The following PKD1 variants were observed in gnomAD, a reference collection of about 807,000 sequenced individuals.
PKD1 encodes the protein polycystin-1.
PKD1 carries 81 observed loss-of-function variants against 361.7 expected under a neutral mutation model. That is an observed-to-expected ratio of 0.22 (90% CI 0.19 to 0.27). The LOEUF is 0.27. PKD1 is among the 10% of genes least tolerant of loss of function. PKD1 has a pLI of 1.00. For synonymous variants in PKD1, 3,615 were observed against 2,818.3 expected, an observed-to-expected ratio of 1.28 and a Z score of -8.95; for missense variants, 6,399 against 6,118.3, an observed-to-expected ratio of 1.05 and a Z score of -1.53.
Position 2,091,924 on chromosome 16 carries a change from C to A in PKD1, c.11412-18G>T, listed in dbSNP as rs768468097. On this transcript the variant is annotated intron_variant, in intron 40 of 45. Coordinates refer to ENST00000262304, the MANE Select transcript of PKD1 (RefSeq NM_001009944.3). ...ACCATGCCCTGCCGGAGAGGGGTGG[C>A]GTGGGTGCCGCACCCCAGCCCTTCC... is the stretch of plus-strand genomic sequence containing the variant. The A allele has an allele frequency of 1.2e-6, 2 of 1,611,446 alleles. No individual in the cohort carries two copies. The highest frequency in any genetic ancestry group is 1.7e-6 in the Non-Finnish European group (2 of 1,179,600).
Position 2,100,260 on chromosome 16 carries a change from C to G in PKD1, c.9618G>C (p.Gln3206His). The G allele has an allele frequency of 6.2e-7, 1 of 1,610,786 alleles. No homozygotes were observed. The highest frequency in any genetic ancestry group is 8.5e-7 in the Non-Finnish European group (1 of 1,179,780). ...CCAGGAAGAAGGCGCTGCGTGCCGTCTGCAGGTCCCTGACGATGACGTGCT... is the reference window on the plus strand; with the variant it reads ...CCAGGAAGAAGGCGCTGCGTGCCGTGTGCAGGTCCCTGACGATGACGTGCT... ...FLQHVIVRDLQTARSAFFLVN... is the reference protein window; with the variant it reads ...FLQHVIVRDLHTARSAFFLVN... The change falls in exon 28 of 46, where the codon CAG becomes CAC. Residue 3206 changes from glutamine (Q) to histidine (H), a missense_variant. Physicochemically the swap from Gln to His is conservative, Grantham distance 24. Transcript: ENST00000262304. The surrounding 1 kb of genome is among the most constrained non-coding windows in gnomAD (Gnocchi z 4.4).
chr16:2,090,985 G>C lies in PKD1; in HGVS notation c.11902C>G (p.Arg3968Gly). 2 of 1,536,232 alleles carry C rather than the reference G, an allele frequency of 1.3e-6. No individual in the cohort carries two copies. The highest frequency in any genetic ancestry group is 1.4e-5 in the African/African-American group (1 of 73,168). The part of the protein sequence containing the change: ...AADRQWTRFV[R>G]GRPRRFTSFD... ...CTAGTGAAGCGGCGCGGGCGGCCGC[G>C]CACGAAACGGGTCCACTGGCGGTCA... Residue 3968 changes from arginine (R) to glycine (G), a missense_variant, in exon 43 of 46, where the codon CGC (arginine) becomes GGC (glycine). Transcript: ENST00000262304.
In PKD1 at chr16:2,110,732, G is replaced by C; in HGVS notation, c.4435C>G (p.Leu1479Val). 5 of 1,610,404 alleles carry C rather than the reference G, an allele frequency of 3.1e-6. No individual in the cohort carries two copies. Among genetic ancestry groups the C allele is most frequent in the Non-Finnish European group, 4.2e-6 (5 of 1,179,572 alleles). ...AACAGGTACGGCTGCTGCAGCTCCA[G>C]CCCAAGGGAGCCATTGACCTTGATG... is the stretch of plus-strand genomic sequence containing the variant. ...TSIKVNGSLG[L>V]ELQQPYLFSA... Residue 1479 changes from leucine (L) to valine (V), a missense_variant, in exon 15 of 46, where the codon CTG becomes GTG. Physicochemically the swap from Leu to Val is conservative, Grantham distance 32. Transcript: ENST00000262304.
chr16:2,097,816 C>G lies in PKD1; in HGVS notation c.10168-36G>C, dbSNP rs373592524. 392 of 1,611,138 alleles carry G rather than the reference C, an allele frequency of 2.4e-4. No homozygotes were observed. Among genetic ancestry groups the G allele is most frequent in the Middle Eastern group, 4.5e-4 (2 of 4,474 alleles). ...CACAGTGTCTTGAGTCCAAGCTGCG[C>G]CAAGGCGGCAGGACCCCCAGCCCAG... On this transcript the variant is annotated intron_variant, in intron 31 of 45. Transcript: ENST00000262304.
In PKD1 at chr16:2,113,280, C is replaced by T. The variant is rs748744124; in HGVS notation, c.2866G>A (p.Val956Met). The T allele has an allele frequency of 2.1e-5, 34 of 1,594,062 alleles. No individual in the cohort carries two copies. The highest frequency in any genetic ancestry group is 2.3e-5 in the Non-Finnish European group (27 of 1,178,220). Reference protein sequence around the residue: ...LQGVLVRYSPVVEAGSDMVFR... With the variant: ...LQGVLVRYSPMVEAGSDMVFR... ...ACCATGTCCGAGCCGGCCTCCACCA[C>T]GGGGCTGTACCTCTGCGGGGGGAAT... Residue 956 changes from valine to methionine, a missense_variant, in exon 12 of 46, where the codon GTG becomes ATG. Val to Met is a conservative substitution (Grantham distance 21). Transcript: ENST00000262304.
chr16:2,099,122 G>T (rs1279592914), intron 30 of PKD1: 13 of 259,474 alleles, frequency 5.0e-5, no homozygotes, highest in African/African-American at 2.3e-5. Flanking sequence ...GTGAGCCACC[G>T]CGCCTGGCCC....
chr16:2,091,347 C>T, intron 42 of PKD1, 76 bp downstream of exon 42: 1 of 675,032 alleles, frequency 1.5e-6, no homozygotes, highest in Non-Finnish European at 1.8e-6. Flanking sequence ...GGGTGAGACG[C>T]TGCCGGGGCG....
rs749138783 is a variant in PKD1 at position 2,114,478 on chromosome 16, C to T, written c.2545G>A (p.Val849Met). 15 of 1,596,888 alleles carry T rather than the reference C, an allele frequency of 9.4e-6. No individual in the cohort carries two copies. The highest frequency in any genetic ancestry group is 2.3e-4 in the Middle Eastern group (1 of 4,428). ...PTNGSALVLQ[V>M]DSGANATATA... ...GCCGTGGCGTTGGCACCAGAGTCCA[C>T]CTGGAGCACCAAGGCTGAGCCGTTG... is the stretch of plus-strand genomic sequence containing the variant. The change falls in exon 11 of 46, where the codon GTG (valine) becomes ATG (methionine). Residue 849 changes from valine (V) to methionine (M), a missense_variant. Physicochemically the swap from Val to Met is conservative, Grantham distance 21. Transcript: ENST00000262304.
At chr16:2,092,791 G>A (rs112667845) in intron 38 of PKD1, 163 bp downstream of exon 38, 34 of 910,854 alleles carry the variant, frequency 3.7e-5, no homozygotes, top group Admixed American at 3.0e-4. Context: ...TGCAAGACAC[G>A]GACCTGTGTC....
At chr16:2,128,697 G>A (rs938807657) in intron 1 of PKD1, among the ~76,000 whole-genome samples, 12 of 152,104 alleles carry the variant, frequency 7.9e-5, no homozygotes, top group Non-Finnish European at 1.3e-4. Flanking sequence ...GAGAGGGTGC[G>A]GACTCTTCCT....
chr16:2,133,309 C>T (rs1316652177), intron 1 of PKD1: 1 of 148,362 alleles, frequency 6.7e-6, no homozygotes, highest in Non-Finnish European at 1.5e-5. Flanking sequence ...GCTGTGGCCT[C>T]AGAAGCCCCG....
At position 2,112,479 on chromosome 16, in the gene PKD1, G is replaced by A. The variant is rs775989124; in HGVS notation, c.3162-6C>T. 1.4e-5 allele frequency: 22 copies of A among 1,586,694 alleles called. No homozygotes were observed. The highest frequency in any genetic ancestry group is 6.7e-5 in the African/African-American group (5 of 74,686). The stretch of plus-strand genomic sequence containing the variant: ...CCCCATCCCCAAAGGTCCACCTGCC[G>A]GGGCGGTGGGACGCAGTGAGTGAAC... On this transcript the variant is annotated splice_polypyrimidine_tract_variant and splice_region_variant and intron_variant, in intron 13 of 45. Coordinates refer to ENST00000262304, the MANE Select transcript of PKD1 (RefSeq NM_001009944.3).
chr16:2,094,618 T>G, intron 34 of PKD1: 1 of 273,776 alleles, frequency 3.7e-6, no homozygotes, highest in Non-Finnish European at 7.1e-6. Flanking sequence ...CATGCAGGTT[T>G]ATGGCCTAAA....
Position 2,117,578 on chromosome 16 carries a change from C to A in PKD1, c.1296G>T (p.Ala432=), listed in dbSNP as rs775745394. ...LVVEKAAWLQ[A]QEQCQAWAGA... The stretch of plus-strand genomic sequence containing the variant: ...CGGCCCAGGCCTGACACTGCTCCTG[C>A]GCCTGCAGCCAGGCCGCCTTCTCCA... Residue 432 remains alanine, a synonymous_variant, in exon 6 of 46, where the codon GCG becomes GCT. Transcript: ENST00000262304. 3.7e-6 allele frequency: 6 copies of A among 1,607,794 alleles called. No homozygotes were observed. Among genetic ancestry groups the A allele is most frequent in the Non-Finnish European group, 5.1e-6 (6 of 1,178,340 alleles).
At position 2,092,473 on chromosome 16, in the gene PKD1, A is replaced by C. The variant is rs2091641697; in HGVS notation, c.11269+7T>G. The C allele has an allele frequency of 2.5e-6, 4 of 1,577,432 alleles. No individual in the cohort carries two copies. The highest frequency in any genetic ancestry group is 2.7e-5 in the African/African-American group (2 of 74,244). On this transcript the variant is annotated splice_region_variant and intron_variant, in intron 39 of 45. Transcript: ENST00000262304. ...TTTAAGTCTTGGGGCACGCCCTGCC[A>C]GCTCACCTTCCTGCAGCCGCACCTG...
At chr16:2,117,134 A>G (rs557185428) in intron 6 of PKD1, 81 bp from the exon 7 acceptor site, 21 of 727,958 alleles carry the variant, frequency 2.9e-5, no homozygotes, top group African/African-American at 7.0e-5. Context: ...TGGGAGCCCC[A>G]TCACTGTCCC....
Position 2,092,601 on chromosome 16 carries a change from G to A in PKD1, c.11157-9C>T. The A allele has an allele frequency of 6.3e-7, 1 of 1,586,096 alleles. No individual in the cohort carries two copies. Among genetic ancestry groups the A allele is most frequent in the Non-Finnish European group, 8.6e-7 (1 of 1,157,130 alleles). On this transcript the variant is annotated splice_polypyrimidine_tract_variant and intron_variant, in intron 38 of 45. Coordinates refer to ENST00000262304, the MANE Select transcript of PKD1 (RefSeq NM_001009944.3). The stretch of plus-strand genomic sequence containing the variant: ...GCCAGAGCTCCTCAGACCTGCCACA[G>A]CATCAGTCACACGCTCCAGCCCCTA...
rs2092628701 is a variant in PKD1, at chr16:2,115,999, G to A, written c.1842C>T (p.Ser614=). 3.1e-5 allele frequency: 47 copies of A among 1,501,280 alleles called. No homozygotes were observed. Among genetic ancestry groups the A allele is most frequent in the Non-Finnish European group, 4.2e-5 (47 of 1,112,016 alleles). 93.0% of individuals were successfully genotyped at this position (1,501,280 alleles called of 1,614,324 possible). Residue 614 remains serine (S), a synonymous_variant, in exon 9 of 46, where the codon AGC becomes AGT. Coordinates refer to ENST00000262304, the MANE Select transcript of PKD1 (RefSeq NM_001009944.3). ...QLRLQVYRLL[S]TAGTPENGSE... ...CACCACCCAGAGTCCCACCTGCTGT[G>A]CTGAGGAGCCGGTACACCTGCAGCC...
rs1401316236 is a variant in PKD1, at chr16:2,104,522, C to T, written c.8137G>A (p.Gly2713Arg). The change falls in exon 22 of 46, where the codon GGA becomes AGA. Residue 2713 changes from glycine (G) to arginine (R), a missense_variant. Transcript: ENST00000262304. ...TAGTVTPTAI[G>R]DSILNITGDL... ...CCTGTGATGTTGAGGATGCTGTCTC[C>T]GATGGCGGTGGGCGTCACGGTGCCC... 6.4e-6 allele frequency: 10 copies of T among 1,555,634 alleles called. No homozygotes were observed. The highest frequency in any genetic ancestry group is 1.2e-5 in the South Asian group (1 of 85,646).
Sources: allele counts gnomAD v4.1 joint callset (sites outside exome capture counted in the v4.1 genomes callset), GRCh38; gene constraint gnomAD v4.1.1; non-coding constraint Gnocchi (gnomAD v3.1); transcripts MANE v1.5; gene names NCBI Gene and HGNC (gene_info 2026-07-23, HGNC 2026-07-21).